CSMD1: variants seen among roughly 807,000 people sequenced by gnomAD.
CSMD1 encodes the protein CUB and Sushi multiple domains 1.
A neutral mutation model predicts 417.5 loss-of-function variants in CSMD1; 213 were observed. The ratio of observed to expected loss-of-function variants is 0.51; its 90% CI spans 0.46 to 0.57. The LOEUF is 0.57. Ranked by LOEUF, CSMD1 falls within the 20% of genes least tolerant of loss-of-function variation. CSMD1 has a pLI of 0.00. For synonymous variants in CSMD1, 2,862 were observed against 1,736.8 expected, an observed-to-expected ratio of 1.65 and a Z score of -16.11; for missense variants, 6,923 against 4,529.7, an observed-to-expected ratio of 1.53 and a Z score of -15.17.
chr8:4,113,304 A>T (rs544454378), intron 3 of CSMD1, among the ~76,000 whole-genome samples: 1 of 152,090 alleles, frequency 6.6e-6, no homozygotes, highest in Non-Finnish European at 1.5e-5. Context: ...CTAAGTGAGA[A>T]AGACATGTCA....
At chr8:4,339,466 C>G (rs192807011) in intron 3 of CSMD1, among the ~76,000 whole-genome samples, 1 of 151,918 alleles carries the variant, frequency 6.6e-6, no homozygotes, top group Middle Eastern at 3.2e-3. Flanking sequence ...AAAGCTACCG[C>G]GAAATGAGAT....
chr8:4,227,283 C>G (rs1205357737), intron 3 of CSMD1, among the ~76,000 whole-genome samples: 1 of 152,134 alleles, frequency 6.6e-6, no homozygotes, highest in Non-Finnish European at 1.5e-5. Flanking sequence ...CCACATATCC[C>G]CTCGGTCTGC....
chr8:4,592,080 A>G (rs1349623033), intron 2 of CSMD1, among the ~76,000 whole-genome samples: 1 of 152,120 alleles, frequency 6.6e-6, no homozygotes, highest in Non-Finnish European at 1.5e-5. Flanking sequence ...GTCTAACAGT[A>G]GGGACATGCT....
intron 3 of CSMD1, among the ~76,000 whole-genome samples, chr8:4,056,513 G>A (rs191842489): frequency 1.3e-5 from 2 of 150,944 alleles, no homozygotes; most frequent in Non-Finnish European, 2.9e-5. Flanking sequence ...GGGCTACTAA[G>A]GAAAGCATTT....
chr8:4,460,282 A>G (rs1219240251), intron 2 of CSMD1, among the ~76,000 whole-genome samples: 3 of 152,170 alleles, frequency 2.0e-5, no homozygotes, highest in Non-Finnish European at 2.9e-5. Context: ...TAAAAATAAT[A>G]TGAACGAAAA....
At chr8:2,947,649 A>G (rs1802343345) in intron 68 of CSMD1, among the ~76,000 whole-genome samples, 1 of 152,322 alleles carries the variant, frequency 6.6e-6, no homozygotes, top group Non-Finnish European at 1.5e-5. Context: ...TCTACACAGC[A>G]TCCTGTACAG....
At chr8:4,676,030 A>C (rs1191472741) in intron 1 of CSMD1, among the ~76,000 whole-genome samples, 2 of 152,208 alleles carry the variant, frequency 1.3e-5, no homozygotes, top group Non-Finnish European at 2.9e-5. Flanking sequence ...TTTGAAGCAA[A>C]TTATTCACTT....
chr8:4,294,107 A>C (rs1021396215), intron 3 of CSMD1, among the ~76,000 whole-genome samples: 12 of 152,184 alleles, frequency 7.9e-5, no homozygotes, highest in African/African-American at 2.7e-4. Flanking sequence ...CTGTCACTGG[A>C]AAAAGTAATG....
At chr8:4,581,832 C>G (rs933347394) in intron 2 of CSMD1, among the ~76,000 whole-genome samples, 2 of 152,172 alleles carry the variant, frequency 1.3e-5, no homozygotes, top group Non-Finnish European at 2.9e-5. Context: ...TGGGAGGGCA[C>G]AAAGCACTGA....
At chr8:4,549,032 T>C (rs970525297) in intron 2 of CSMD1, among the ~76,000 whole-genome samples, 2 of 152,236 alleles carry the variant, frequency 1.3e-5, no homozygotes, top group African/African-American at 4.8e-5. Flanking sequence ...AAGTATATTT[T>C]GTTGACTTTT....
At chr8:4,099,141 C>G (rs1475107458) in intron 3 of CSMD1, among the ~76,000 whole-genome samples, 1 of 151,588 alleles carries the variant, frequency 6.6e-6, no homozygotes, top group African/African-American at 2.4e-5. Context: ...TTCCTTCTTT[C>G]AGGCCCCAAC....
In CSMD1 at chr8:4,139,230, T is replaced by G. The variant is rs568352920; in HGVS notation, c.416-107131A>C. 8.5e-5 allele frequency among the ~76,000 whole-genome samples: 13 copies of G among 152,340 alleles called. No homozygotes were observed. In the South Asian group the frequency reaches 2.5e-3, roughly 29 times the overall value. ...AAAATAAGAGTGTCCTAGTGGTGCT[T>G]TAAAGGCGAATTTAGCTTCATTATG... On this transcript the variant is annotated intron_variant, in intron 3 of 69. Coordinates refer to ENST00000635120, the MANE Select transcript of CSMD1 (RefSeq NM_033225.6).
chr8:4,769,610 A>T (rs1217015368), intron 1 of CSMD1, among the ~76,000 whole-genome samples: 1 of 152,212 alleles, frequency 6.6e-6, no homozygotes, highest in African/African-American at 2.4e-5. Context: ...GAATATTCTA[A>T]GATAATTTCT....
At chr8:3,541,765 A>T (rs1021325848) in intron 10 of CSMD1, among the ~76,000 whole-genome samples, 12 of 150,286 alleles carry the variant, frequency 8.0e-5, no homozygotes, top group Non-Finnish European at 1.5e-4. Context: ...AAACAAAATA[A>T]TATCAACTAC....
intron 1 of CSMD1, among the ~76,000 whole-genome samples, chr8:4,798,797 C>A (rs1418395251): frequency 2.0e-5 from 3 of 152,106 alleles, no homozygotes; most frequent in Non-Finnish European, 4.4e-5. Context: ...AAAGTAGAAA[C>A]TGGGAGAAGA....
chr8:2,977,367 C>G (rs1428520883), intron 55 of CSMD1, among the ~76,000 whole-genome samples: 1 of 152,156 alleles, frequency 6.6e-6, no homozygotes, highest in African/African-American at 2.4e-5. Flanking sequence ...TTTTCTGTTC[C>G]TGCATTAGTT....
intron 5 of CSMD1, among the ~76,000 whole-genome samples, chr8:3,933,155 A>G (rs559550483): frequency 1.5e-4 from 21 of 136,200 alleles, no homozygotes; most frequent in East Asian, 1.5e-3. Flanking sequence ...ACATTTATCT[A>G]AAGTCCACCT....
chr8:4,663,347 G>C (rs187780506), intron 1 of CSMD1, among the ~76,000 whole-genome samples: 64 of 152,286 alleles, frequency 4.2e-4, no homozygotes, highest in Admixed American at 3.4e-3. Context: ...AAACTACGTA[G>C]AATCTACAGG....
intron 59 of CSMD1, among the ~76,000 whole-genome samples, chr8:2,965,357 C>T (rs544823138): frequency 6.6e-6 from 1 of 152,292 alleles, no homozygotes; most frequent in Admixed American, 6.5e-5. Flanking sequence ...TCTACCAGTG[C>T]TCTGCCATTA....
Sources: gnomAD v4.1 joint callset for allele counts (sites outside exome capture counted in the v4.1 genomes callset) on GRCh38, gnomAD v4.1.1 for gene constraint, MANE v1.5 for transcripts, NCBI Gene and HGNC (gene_info 2026-07-23, HGNC 2026-07-21) for gene names.